The following DISP1 variants were observed in gnomAD, a reference collection of about 807,000 sequenced individuals.
DISP1 encodes dispatched RND transporter family member 1.
In DISP1, 30 loss-of-function variants were observed where a neutral mutation model predicts 37.3. The observed-to-expected ratio is 0.80, with a 90% CI of 0.60 to 1.09. The LOEUF (loss-of-function observed/expected upper bound fraction) is 1.09, where lower values mean the gene tolerates loss of function less well. Ranked by LOEUF, DISP1 falls within the 50% of genes least tolerant of loss-of-function variation. The pLI, the probability that DISP1 is intolerant of heterozygous loss-of-function variation, is 0.00. For missense variants in DISP1, 1,598 were observed against 1,879.5 expected, an observed-to-expected ratio of 0.85 and a Z score of 2.77; for synonymous variants, 634 against 690.2, an observed-to-expected ratio of 0.92 and a Z score of 1.28.
chr1:222,848,299 A>AT (rs1393903734), intron 1 of DISP1, among the ~76,000 whole-genome samples: 1 of 152,202 alleles, frequency 6.6e-6, no homozygotes, highest in African/African-American at 2.4e-5. Context: ...TGCACATAAA[A>AT]TGGTCAGTGT....
At chr1:222,944,078 C>T (rs913888935) in intron 3 of DISP1, among the ~76,000 whole-genome samples, 42 of 152,126 alleles carry the variant, frequency 2.8e-4, no homozygotes, top group Admixed American at 7.2e-4. Flanking sequence ...CTTGCCTCCT[C>T]ATGCTGCCTT....
At chr1:222,902,515 G>A (rs973014675) in intron 1 of DISP1, among the ~76,000 whole-genome samples, 3 of 151,966 alleles carry the variant, frequency 2.0e-5, no homozygotes, top group African/African-American at 7.3e-5. Context: ...GAGTGAACAG[G>A]CAACCTACAA....
intron 1 of DISP1, among the ~76,000 whole-genome samples, chr1:222,920,654 G>T (rs367562027): frequency 6.6e-6 from 1 of 151,962 alleles, no homozygotes; most frequent in East Asian, 1.9e-4. Flanking sequence ...TTTCTTTATA[G>T]TAATTTTTTG....
intron 3 of DISP1, 100 bp from the exon 4 acceptor site, chr1:222,982,977 TAAC>T: frequency 1.2e-6 from 1 of 859,736 alleles, no homozygotes; most frequent in Non-Finnish European, 1.9e-6. Context: ...TTGTAAGAGA[TAAC>T]AAGTAAAATG....
At chr1:222,951,068 T>G (rs1675183533) in intron 3 of DISP1, among the ~76,000 whole-genome samples, 1 of 152,170 alleles carries the variant, frequency 6.6e-6, no homozygotes, top group African/African-American at 2.4e-5. Context: ...GGTGATTTCA[T>G]AGACAGATGG....
chr1:222,825,948 C>T (rs78326045), intron 1 of DISP1, among the ~76,000 whole-genome samples: 2,757 of 152,322 alleles, frequency 0.018, 84 homozygotes, highest in African/African-American at 0.06. Context: ...GTCACCCAGA[C>T]TGGAGTGCAG....
At chr1:222,998,715 G>A (rs1251547782) in intron 8 of DISP1, among the ~76,000 whole-genome samples, 1 of 152,120 alleles carries the variant, frequency 6.6e-6, no homozygotes, top group Admixed American at 6.5e-5. Context: ...CCATGTACTT[G>A]TTCCATAGTC....
At chr1:222,894,107 G>A (rs1289009920) in intron 1 of DISP1, among the ~76,000 whole-genome samples, 2 of 152,142 alleles carry the variant, frequency 1.3e-5, no homozygotes, top group Non-Finnish European at 2.9e-5. Flanking sequence ...GGTCTCATAA[G>A]GCAGGAAGTG....
At chr1:222,978,256 A>G (rs1383057095) in intron 3 of DISP1, among the ~76,000 whole-genome samples, 3 of 152,116 alleles carry the variant, frequency 2.0e-5, no homozygotes, top group Middle Eastern at 6.8e-3. Flanking sequence ...TTTGATTTGC[A>G]TTTCTCTGAT....
chr1:223,004,010 C>T lies in DISP1; in HGVS notation c.2613C>T (p.Tyr871=), dbSNP rs775330502. 2.0e-5 allele frequency: 33 copies of T among 1,614,076 alleles called. No homozygotes were observed. In the South Asian group the frequency reaches 3.6e-4, roughly 18 times the overall value. ...ENQDCDEPAL[Y]PCCSHWSFPY... ...AGGACTGTGATGAGCCTGCCCTGTA[C>T]CCATGCTGCAGCCACTGGAGCTTCC... The change falls in exon 9 of 9, where the codon TAC becomes TAT. Residue 871 remains tyrosine, a synonymous_variant. Transcript: ENST00000675850. The surrounding 1 kb of genome is among the most constrained non-coding windows in gnomAD (Gnocchi z 4.9).
At position 222,872,496 on chromosome 1, in the gene DISP1, C is replaced by T. The variant is rs534880432; in HGVS notation, c.-158-55934C>T. ...ATTGGTCTATTCAGAGATTCAACTT[C>T]TTCCTGGTTTAGTCTTGGGAGAGTG... On this transcript the variant is annotated intron_variant, in intron 1 of 8. Transcript: ENST00000675850. 18 of 152,292 alleles carry T rather than the reference C, an allele frequency of 1.2e-4. No individual in the cohort carries two copies. In the East Asian group the frequency reaches 3.3e-3, roughly 28 times the overall value. The allele number at this position is 152,292 out of a possible 1,614,324, so 9.4% of individuals were successfully genotyped here.
In DISP1 at chr1:222,991,539, C is replaced by T. The variant is rs1396165528; in HGVS notation, c.683C>T (p.Thr228Ile). 1.9e-6 allele frequency: 3 copies of T among 1,613,632 alleles called. No individual in the cohort carries two copies. Among genetic ancestry groups the T allele is most frequent in the African/African-American group, 1.3e-5 (1 of 74,856 alleles). Residue 228 changes from threonine to isoleucine, a missense_variant, in exon 6 of 9, where the codon ACA becomes ATA. Coordinates refer to ENST00000675850, the MANE Select transcript of DISP1 (RefSeq NM_001377229.1). ...DPLLGFEPRG[T>I]AIGQRLVTWN... Reference sequence around the variant, plus strand: ...CCTTAGGGTTTTGAACCAAGAGGAACAGCAATAGGCCAGAGATTGGTCACA... The same window carrying T: ...CCTTAGGGTTTTGAACCAAGAGGAATAGCAATAGGCCAGAGATTGGTCACA...
intron 3 of DISP1, among the ~76,000 whole-genome samples, chr1:222,957,449 C>T (rs1028039895): frequency 1.3e-5 from 2 of 152,012 alleles, no homozygotes; most frequent in Non-Finnish European, 2.9e-5. Context: ...ATTAGCCAGG[C>T]GCAGTGGTGG....
At chr1:222,984,435 T>TATATATATATATAGAG (rs67660273) in intron 4 of DISP1, among the ~76,000 whole-genome samples, 6 of 108,366 alleles carry the variant, frequency 5.5e-5, no homozygotes, top group South Asian at 3.2e-4. Flanking sequence ...TATATATATA[T>TATATATATATATAGAG]AGAGAGAGAG....
chr1:222,856,706 G>GTTT (rs11441357), intron 1 of DISP1, among the ~76,000 whole-genome samples: 8,550 of 131,898 alleles, frequency 0.065, 382 homozygotes, highest in Non-Finnish European at 0.086. Context: ...ATTATAATTC[G>GTTT]TTTTTTTTTT....
In DISP1 at chr1:222,991,520, G is replaced by C; in HGVS notation, c.664G>C (p.Gly222Arg). 6.2e-7 allele frequency: 1 copy of C among 1,613,680 alleles called. No homozygotes were observed. The highest frequency in any genetic ancestry group is 8.5e-7 in the Non-Finnish European group (1 of 1,179,752). Residue 222 changes from glycine (G) to arginine (R), a missense_variant and splice_region_variant, in exon 6 of 9, where the codon GGT (glycine) becomes CGT (arginine). Gly to Arg is a moderately radical substitution (Grantham distance 125). Coordinates refer to ENST00000675850, the MANE Select transcript of DISP1 (RefSeq NM_001377229.1). ...ELPDFSDPLL[G>R]FEPRGTAIGQ... ...ATGAGCACCTGTAATTTTGCCTTAG[G>C]GTTTTGAACCAAGAGGAACAGCAAT...
chr1:222,956,934 G>T (rs1675644224), intron 3 of DISP1, among the ~76,000 whole-genome samples: 1 of 152,064 alleles, frequency 6.6e-6, no homozygotes, highest in Admixed American at 6.6e-5. Flanking sequence ...GAGTTTAAGG[G>T]TAAGTACTTT....
chr1:222,982,949 TAACACTTCCAAGA>T, intron 3 of DISP1, 118 bp from the exon 4 acceptor site: 1 of 727,872 alleles, frequency 1.4e-6, no homozygotes, highest in African/African-American at 1.8e-5. Flanking sequence ...TTTTTTTTTT[TAACACTTCCAAGA>T]TTCTTTGTAA....
intron 3 of DISP1, among the ~76,000 whole-genome samples, chr1:222,952,038 C>T (rs762170750): frequency 3.3e-5 from 5 of 152,118 alleles, no homozygotes; most frequent in African/African-American, 4.8e-5. Context: ...CTCTTTTCCG[C>T]TCTTACCATT....
Sources: allele counts gnomAD v4.1 joint callset (sites outside exome capture counted in the v4.1 genomes callset), GRCh38; gene constraint gnomAD v4.1.1; non-coding constraint Gnocchi (gnomAD v3.1); transcripts MANE v1.5; gene names NCBI Gene and HGNC (gene_info 2026-07-23, HGNC 2026-07-21).